SAMD12: variants seen among roughly 807,000 people sequenced by gnomAD.
SAMD12 encodes the protein sterile alpha motif domain containing 12, also known as sterile alpha motif domain-containing protein 12.
Under a neutral mutation model 15.0 loss-of-function variants are expected in SAMD12, and 9 were observed. The observed-to-expected ratio is 0.60, with a 90% CI of 0.36 to 1.05. The LOEUF is 1.05. SAMD12 is among the 50% of genes least tolerant of loss of function. The pLI is 0.01. For missense variants in SAMD12, 230 were observed against 234.2 expected (o/e 0.98, Z 0.12); for synonymous variants, 86 against 90.1 (o/e 0.96, Z 0.25).
At chr8:118,556,033 A>C (rs971205612) in intron 2 of SAMD12, among the ~76,000 whole-genome samples, 1 of 152,236 alleles carries the variant, frequency 6.6e-6, no homozygotes, top group Non-Finnish European at 1.5e-5. Context: ...GGAATAAGTC[A>C]CATCCTGAGA....
intron 4 of SAMD12, among the ~76,000 whole-genome samples, chr8:118,202,660 A>G (rs957122123): frequency 6.6e-6 from 1 of 152,196 alleles, no homozygotes; most frequent in East Asian, 1.9e-4. Flanking sequence ...CCCACGTCTC[A>G]TGGGCTCAAG....
the SAMD12 span, among the ~76,000 whole-genome samples, chr8:118,157,089 T>C: frequency 4.6e-5 from 7 of 152,192 alleles, no homozygotes; most frequent in East Asian, 3.9e-4. Flanking sequence ...CTAAAGTACA[T>C]TGAAGTCATG....
intron 4 of SAMD12, among the ~76,000 whole-genome samples, chr8:118,294,928 T>A (rs927852513): frequency 2.0e-5 from 3 of 152,300 alleles, no homozygotes; most frequent in Middle Eastern, 3.4e-3. Context: ...GTCAACAGAA[T>A]TGTCAACAAA....
chr8:118,460,907 T>G (rs1823399423), intron 2 of SAMD12, among the ~76,000 whole-genome samples: 1 of 152,178 alleles, frequency 6.6e-6, no homozygotes. Context: ...CCAACTTACC[T>G]TCTCAGCTAC....
At chr8:118,329,268 C>T (rs1172982186) in intron 4 of SAMD12, among the ~76,000 whole-genome samples, 1 of 152,098 alleles carries the variant, frequency 6.6e-6, no homozygotes, top group Non-Finnish European at 1.5e-5. Context: ...AGTGAGTGGC[C>T]AGCCTTGGCA....
chr8:118,609,205 G>T (rs1828049586), intron 1 of SAMD12, among the ~76,000 whole-genome samples: 1 of 152,172 alleles, frequency 6.6e-6, no homozygotes. Context: ...CTACATCAAG[G>T]AACAAAAGTT....
intron 4 of SAMD12, among the ~76,000 whole-genome samples, chr8:118,286,151 A>T (rs1813988462): frequency 7.8e-6 from 1 of 127,514 alleles, no homozygotes. Flanking sequence ...GGGACATCAC[A>T]CACCGGGGCC....
intron 4 of SAMD12, among the ~76,000 whole-genome samples, chr8:118,228,931 T>A (rs1045812134): frequency 6.6e-6 from 1 of 152,176 alleles, no homozygotes; most frequent in African/African-American, 2.4e-5. Context: ...CTGTGGTACA[T>A]ATGTACGGTG....
chr8:118,256,820 A>G (rs866929066), intron 4 of SAMD12, among the ~76,000 whole-genome samples: 35 of 148,264 alleles, frequency 2.4e-4, no homozygotes, highest in Non-Finnish European at 2.8e-4. Context: ...ACACACACAC[A>G]CGCACACATT....
the SAMD12 span, among the ~76,000 whole-genome samples, chr8:118,179,382 A>G: frequency 1.3e-5 from 2 of 150,434 alleles, no homozygotes; most frequent in Non-Finnish European, 2.9e-5. Flanking sequence ...GGTTGCGGTG[A>G]GCCGAAATCA....
chr8:118,614,984 A>G (rs1315835944), intron 1 of SAMD12, among the ~76,000 whole-genome samples: 1 of 152,202 alleles, frequency 6.6e-6, no homozygotes, highest in Non-Finnish European at 1.5e-5. Flanking sequence ...TTTCAAAAGG[A>G]CCATATGCAA....
intron 4 of SAMD12, among the ~76,000 whole-genome samples, chr8:118,361,165 T>C (rs1818481228): frequency 6.6e-6 from 1 of 152,224 alleles, no homozygotes; most frequent in Admixed American, 6.5e-5. Context: ...CACTATACAA[T>C]CTCAAGTCTG....
chr8:118,203,032 T>C (rs1158881679), intron 4 of SAMD12, among the ~76,000 whole-genome samples: 1 of 152,204 alleles, frequency 6.6e-6, no homozygotes, highest in African/African-American at 2.4e-5. Flanking sequence ...GCAGGGTCGT[T>C]AGCTGGCACA....
intron 1 of SAMD12, among the ~76,000 whole-genome samples, chr8:118,610,204 A>G (rs544145834): frequency 6.6e-6 from 1 of 152,340 alleles, no homozygotes; most frequent in African/African-American, 2.4e-5. Flanking sequence ...AAAAGTGTAG[A>G]AAGCTAATAC....
intron 4 of SAMD12, among the ~76,000 whole-genome samples, chr8:118,266,454 A>T (rs1813201726): frequency 6.6e-6 from 1 of 152,180 alleles, no homozygotes; most frequent in Non-Finnish European, 1.5e-5. Context: ...TCTAAAGTAG[A>T]ATTACCATAT....
At chr8:118,463,764 C>A (rs1180494539) in intron 2 of SAMD12, among the ~76,000 whole-genome samples, 1 of 151,948 alleles carries the variant, frequency 6.6e-6, no homozygotes, top group Non-Finnish European at 1.5e-5. Context: ...CTGGGTGGAA[C>A]CTTTAAATGT....
chr8:118,138,928 G>A, the SAMD12 span, among the ~76,000 whole-genome samples: 1 of 152,196 alleles, frequency 6.6e-6, no homozygotes, highest in East Asian at 1.9e-4. Context: ...ACACTAAGGA[G>A]AGTGGCCCTC....
chr8:118,515,020 G>T (rs999263338), intron 2 of SAMD12, among the ~76,000 whole-genome samples: 2 of 151,558 alleles, frequency 1.3e-5, no homozygotes, highest in Non-Finnish European at 2.9e-5. Flanking sequence ...TTGTTTGTTT[G>T]TTTGTTTGTT....
chr8:118,209,640 T>G (rs150769359), intron 4 of SAMD12, among the ~76,000 whole-genome samples: 6 of 152,320 alleles, frequency 3.9e-5, no homozygotes, highest in Non-Finnish European at 8.8e-5. Flanking sequence ...TTTACCAGGT[T>G]CTACACAGAA....
Sources: gnomAD v4.1 joint callset for allele counts (sites outside exome capture counted in the v4.1 genomes callset) on GRCh38, gnomAD v4.1.1 for gene constraint, MANE v1.5 for transcripts, NCBI Gene and HGNC (gene_info 2026-07-23, HGNC 2026-07-21) for gene names.